The following ADGRL2 variants were observed in gnomAD, a reference collection of about 807,000 sequenced individuals.
ADGRL2 encodes the protein calcium-independent alpha-latrotoxin receptor 2.
ADGRL2 carries 44 observed loss-of-function variants against 157.4 expected under a neutral mutation model. The observed-to-expected ratio is 0.28, with a 90% CI of 0.22 to 0.36. ADGRL2 has a LOEUF of 0.36. ADGRL2 is among the 10% of genes least tolerant of loss of function. The pLI, the probability that ADGRL2 is intolerant of heterozygous loss-of-function variation, is 1.00. For missense variants in ADGRL2, 1,510 were observed against 1,768.9 expected (o/e 0.85, Z 2.63); for synonymous variants, 585 against 624.7 (o/e 0.94, Z 0.95).
At chr1:81,914,524 A>T (rs1028103324) in intron 3 of ADGRL2, among the ~76,000 whole-genome samples, 5 of 152,146 alleles carry the variant, frequency 3.3e-5, no homozygotes, top group African/African-American at 9.7e-5. Flanking sequence ...TGTCTCAGAA[A>T]CTGCATTCTT....
intron 2 of ADGRL2, among the ~76,000 whole-genome samples, chr1:81,472,593 C>T (rs2078193867): frequency 6.6e-6 from 1 of 151,894 alleles, no homozygotes; most frequent in South Asian, 2.1e-4. Flanking sequence ...CAAGATCACA[C>T]CACTTGCATT....
chr1:81,372,021 A>G (rs2076168890), intron 1 of ADGRL2, among the ~76,000 whole-genome samples: 1 of 152,238 alleles, frequency 6.6e-6, no homozygotes, highest in Non-Finnish European at 1.5e-5. Flanking sequence ...GGCTTAGAAC[A>G]CTGAGATCTC....
At chr1:81,342,962 T>G (rs902054736) in intron 1 of ADGRL2, among the ~76,000 whole-genome samples, 7 of 152,136 alleles carry the variant, frequency 4.6e-5, no homozygotes, top group African/African-American at 1.7e-4. Flanking sequence ...GAGAAAAAAG[T>G]ATGCAAGTAA....
intron 1 of ADGRL2, among the ~76,000 whole-genome samples, chr1:81,371,837 G>T (rs12124000): frequency 0.031 from 4,785 of 152,114 alleles, 103 homozygotes; most frequent in Middle Eastern, 0.099. Flanking sequence ...AAATCATGTC[G>T]AGTATTATGA....
intron 2 of ADGRL2, among the ~76,000 whole-genome samples, chr1:81,865,750 T>C (rs1010869456): frequency 5.9e-5 from 9 of 152,292 alleles, no homozygotes; most frequent in African/African-American, 2.2e-4. Flanking sequence ...CTATGAAATC[T>C]TGATCATTTT....
intron 3 of ADGRL2, among the ~76,000 whole-genome samples, chr1:81,674,642 G>A (rs1023781158): frequency 6.6e-6 from 1 of 152,180 alleles, no homozygotes; most frequent in Admixed American, 6.5e-5. Flanking sequence ...TAAGGAGGAG[G>A]AGAATGAGCA....
intron 3 of ADGRL2, among the ~76,000 whole-genome samples, chr1:81,587,044 GA>G (rs1484649757): frequency 3.3e-5 from 5 of 152,070 alleles, no homozygotes; most frequent in Non-Finnish European, 7.4e-5. Context: ...GAAAATGACT[GA>G]AGACAGGAGC....
intron 1 of ADGRL2, among the ~76,000 whole-genome samples, chr1:81,416,986 G>A (rs568829657): frequency 2.6e-5 from 4 of 152,074 alleles, no homozygotes; most frequent in Non-Finnish European, 5.9e-5. Context: ...TAATTCTCAG[G>A]CACGTAGTTC....
intron 1 of ADGRL2, among the ~76,000 whole-genome samples, chr1:81,396,704 G>A (rs1323257735): frequency 6.6e-6 from 1 of 152,012 alleles, no homozygotes; most frequent in Non-Finnish European, 1.5e-5. Context: ...TATAACGAAG[G>A]GATACTGAAT....
chr1:81,324,564 T>C (rs894619774), intron 1 of ADGRL2, among the ~76,000 whole-genome samples: 3 of 149,350 alleles, frequency 2.0e-5, no homozygotes, highest in African/African-American at 7.3e-5. Flanking sequence ...TAAAAAGTTA[T>C]ATATAAATTA....
chr1:81,605,545 G>A (rs183779070), intron 3 of ADGRL2, among the ~76,000 whole-genome samples: 15 of 152,226 alleles, frequency 9.9e-5, no homozygotes, highest in African/African-American at 3.4e-4. Flanking sequence ...CATTGAAAAG[G>A]TTTATTTCTT....
At position 81,972,770 on chromosome 1, in the gene ADGRL2, G is replaced by A. The variant is rs58918654; in HGVS notation, c.3021+852G>A. Among the ~76,000 whole-genome samples the A allele has an allele frequency of 6.4e-3, 964 of 151,662 alleles. 9 individuals carry two copies. The highest frequency in any genetic ancestry group is 0.022 in the African/African-American group (893 of 41,436). On this transcript the variant is annotated intron_variant, in intron 17 of 23. Coordinates refer to ENST00000686636, the MANE Select transcript of ADGRL2 (RefSeq NM_001366006.2). ...TACAATAATATTTTTAAATTAGTTCGGTGTTGAGGCACATTCCTGTAGTCC... is the reference window on the plus strand; with the variant it reads ...TACAATAATATTTTTAAATTAGTTCAGTGTTGAGGCACATTCCTGTAGTCC...
chr1:81,560,115 AC>A (rs2148446072), intron 2 of ADGRL2, among the ~76,000 whole-genome samples: 1 of 152,350 alleles, frequency 6.6e-6, no homozygotes, highest in East Asian at 1.9e-4. Flanking sequence ...ACAATGCCTA[AC>A]AGTGATGAGA....
At chr1:81,845,691 T>C (rs1333472794) in intron 2 of ADGRL2, among the ~76,000 whole-genome samples, 1 of 151,844 alleles carries the variant, frequency 6.6e-6, no homozygotes, top group African/African-American at 2.4e-5. Flanking sequence ...TTATTTTTTT[T>C]TTTACAATTT....
chr1:81,414,609 C>G (rs998588150), intron 1 of ADGRL2, among the ~76,000 whole-genome samples: 2 of 152,118 alleles, frequency 1.3e-5, no homozygotes. Flanking sequence ...ATAGGTGGCG[C>G]TCTCCCCTCT....
At chr1:81,534,189 T>C (rs2079676845) in intron 2 of ADGRL2, among the ~76,000 whole-genome samples, 1 of 152,080 alleles carries the variant, frequency 6.6e-6, no homozygotes, top group African/African-American at 2.4e-5. Flanking sequence ...TGAAACCGAG[T>C]CTTGCTCTGT....
intron 3 of ADGRL2, among the ~76,000 whole-genome samples, chr1:81,631,046 C>T (rs541678992): frequency 7.9e-4 from 120 of 152,140 alleles, no homozygotes; most frequent in Non-Finnish European, 1.3e-3. Flanking sequence ...AACTTATTCT[C>T]ATTCTTGCAC....
At chr1:81,462,574 TGCGTG>T (rs2077960998) in intron 2 of ADGRL2, among the ~76,000 whole-genome samples, 1 of 152,142 alleles carries the variant, frequency 6.6e-6, no homozygotes, top group African/African-American at 2.4e-5. Context: ...CTACAAACAA[TGCGTG>T]TGATGTAAAG....
At chr1:81,342,790 T>C (rs930937371) in intron 1 of ADGRL2, among the ~76,000 whole-genome samples, 2 of 152,142 alleles carry the variant, frequency 1.3e-5, no homozygotes, top group African/African-American at 4.8e-5. Context: ...TCAAGACTCA[T>C]AAATTTAGCC....
Sources: allele counts gnomAD v4.1 joint callset (sites outside exome capture counted in the v4.1 genomes callset), GRCh38; gene constraint gnomAD v4.1.1; transcripts MANE v1.5; gene names NCBI Gene and HGNC (gene_info 2026-07-23, HGNC 2026-07-21).